SCO1: variants seen among roughly 807,000 people sequenced by gnomAD.
SCO1 encodes the protein cytochrome c oxidase assembly factor SCO1.
Under a neutral mutation model 34.0 loss-of-function variants are expected in SCO1, and 23 were observed. The ratio of observed to expected loss-of-function variants is 0.68; its 90% CI spans 0.49 to 0.96. The LOEUF (loss-of-function observed/expected upper bound fraction) is 0.96, where lower values mean the gene tolerates loss of function less well. Ranked by LOEUF, SCO1 falls within the 40% of genes least tolerant of loss-of-function variation. SCO1 has a pLI of 0.00. For missense variants in SCO1, 404 were observed against 381.6 expected (o/e 1.06, Z -0.49); for synonymous variants, 161 against 145.5 (o/e 1.11, Z -0.77).
rs111287883 is a variant in SCO1, at chr17:10,693,366, T to C, written c.365-405A>G. 0.016 allele frequency among the ~76,000 whole-genome samples: 2,477 copies of C among 151,360 alleles called. 110 individuals are homozygous for C. The East Asian group carries it at 0.16, about 10-fold the overall frequency. On this transcript the variant is annotated intron_variant, in intron 2 of 5. Transcript: ENST00000255390. ...TAAGGAGGGCAGCTGGGTGGGGAGG[T>C]GATAGTGGTGACGGGACCTTAGTTA... is the stretch of plus-strand genomic sequence containing the variant.
chr17:10,686,561 G>T (rs1396414122), intron 5 of SCO1, among the ~76,000 whole-genome samples, 166 bp downstream of exon 5: 1 of 141,506 alleles, frequency 7.1e-6, no homozygotes, highest in East Asian at 2.1e-4. Flanking sequence ...CAGCCTGGAT[G>T]ACAGAATGAG....
At chr17:10,695,875 C>T (rs372847373) in intron 1 of SCO1, 44 bp from the exon 2 acceptor site, 4 of 1,398,870 alleles carry the variant, frequency 2.9e-6, no homozygotes, top group Admixed American at 1.7e-5. Flanking sequence ...TAGTAAGATG[C>T]AAACATTTAA....
intron 5 of SCO1, among the ~76,000 whole-genome samples, chr17:10,683,218 C>T (rs950134547): frequency 6.6e-6 from 1 of 152,120 alleles, no homozygotes; most frequent in Non-Finnish European, 1.5e-5. Flanking sequence ...TATATATCCA[C>T]TACCACTTAT....
chr17:10,697,491 A>G lies in SCO1; in HGVS notation c.17T>C (p.Leu6Pro), dbSNP rs777394675. Residue 6 changes from leucine to proline, a missense_variant, in exon 1 of 6, where the codon CTA becomes CCA. Transcript: ENST00000255390. ...AGGCCGCATAACTCGTCCGGGTACT[A>G]GGACCAGCATCGCCATGAGCCTCGG... is the stretch of plus-strand genomic sequence containing the variant. MAMLV[L>P]VPGRVMRPLG... is the part of the protein sequence containing the mutation. The G allele has an allele frequency of 4.3e-6, 7 of 1,613,476 alleles. No individual in the cohort carries two copies. Among genetic ancestry groups the G allele is most frequent in the Non-Finnish European group, 5.1e-6 (6 of 1,179,936 alleles).
chr17:10,689,469 AAT>A (rs2074678044), intron 4 of SCO1, among the ~76,000 whole-genome samples: 1 of 152,222 alleles, frequency 6.6e-6, no homozygotes, highest in Non-Finnish European at 1.5e-5. Context: ...TTATTAAATC[AAT>A]GTTACCATAA....
intron 5 of SCO1, among the ~76,000 whole-genome samples, chr17:10,684,172 A>G (rs1188314712): frequency 6.6e-6 from 1 of 152,252 alleles, no homozygotes; most frequent in Non-Finnish European, 1.5e-5. Context: ...ACAAGGTCCA[A>G]GAAGTTTCCA....
At position 10,685,270 on chromosome 17, in the gene SCO1, G is replaced by A. The variant is rs544309753; in HGVS notation, c.771+1457C>T. Among the ~76,000 whole-genome samples, 5 of 152,268 alleles carry A rather than the reference G, an allele frequency of 3.3e-5. No homozygotes were observed. The South Asian group carries it at 1.0e-3, about 32-fold the overall frequency. On this transcript the variant is annotated intron_variant, in intron 5 of 5. Coordinates refer to ENST00000255390, the MANE Select transcript of SCO1 (RefSeq NM_004589.4). ...CAAAGACAGCTTCACAGCTAGAAAG[G>A]CTCTTAGGATTACTCTGCCCAAACA...
rs374680959 is a variant in SCO1 at position 10,686,883 on chromosome 17, A to T, written c.656-41T>A. On this transcript the variant is annotated intron_variant, in intron 4 of 5. Transcript: ENST00000255390. ...GAGAGACAGTGAAAAATGAGAAGCCAGTAAAACAACCATCTCTACTTCAAA... is the reference window on the plus strand; with the variant it reads ...GAGAGACAGTGAAAAATGAGAAGCCTGTAAAACAACCATCTCTACTTCAAA... The T allele has an allele frequency of 1.1e-4, 149 of 1,334,430 alleles. No homozygotes were observed. In the African/African-American group the frequency reaches 1.8e-3, roughly 16 times the overall value. 82.7% of individuals were successfully genotyped at this position (1,334,430 alleles called of 1,614,324 possible). A position where few individuals can be genotyped will look rare whatever the true frequency, so the allele number is the denominator to read the frequency against.
rs780893519 is a variant in SCO1, at chr17:10,697,339, G to T, written c.169C>A (p.Arg57Ser). The T allele has an allele frequency of 2.5e-6, 4 of 1,575,592 alleles. No homozygotes were observed. The highest frequency in any genetic ancestry group is 2.6e-6 in the Non-Finnish European group (3 of 1,161,350). The change falls in exon 1 of 6, where the codon CGC (arginine) becomes AGC (serine). Residue 57 changes from arginine to serine, a missense_variant. By Grantham distance (110) the Arg-to-Ser change is moderately radical. Coordinates refer to ENST00000255390, the MANE Select transcript of SCO1 (RefSeq NM_004589.4). ...CGGGTTCCCAGGCAATAGCCAGGGC[G>T]CCCCGAGGCACGCCACGCCTCCGCT... ...RQAEAWRASG[R>S]PGYCLGTRPL...
rs1355550605 is a variant in SCO1 at position 10,674,625 on chromosome 17, T to C, written c.*6494A>G. On this transcript the variant is annotated 3_prime_UTR_variant, in exon 6 of 6. Transcript: ENST00000255390. ...TGTAGATAATTCACCACTTGGGCCC[T>C]TCTTCCTCTATACAGTGAGGACATA... 6.4e-6 allele frequency: 1 copy of C among 156,504 alleles called. No homozygotes were observed. Among genetic ancestry groups the C allele is most frequent in the African/African-American group, 2.4e-5 (1 of 41,480 alleles). 9.7% of individuals were successfully genotyped at this position (156,504 alleles called of 1,614,324 possible). A position where few individuals can be genotyped will look rare whatever the true frequency, so the allele number is the denominator to read the frequency against.
Position 10,677,015 on chromosome 17 carries a change from G to A in SCO1, c.*4104C>T, listed in dbSNP as rs935639817. On this transcript the variant is annotated 3_prime_UTR_variant, in exon 6 of 6. Transcript: ENST00000255390. ...ATAACCCCTAACTGGTAAGTAAAAA[G>A]CACAAACTAGGCCGGGCGCAGTGGC... 6.6e-6 allele frequency: 1 copy of A among 152,146 alleles called. No individual in the cohort carries two copies. The highest frequency in any genetic ancestry group is 1.5e-5 in the Non-Finnish European group (1 of 68,022). 9.4% of individuals were successfully genotyped at this position (152,146 alleles called of 1,614,324 possible).
intron 5 of SCO1, among the ~76,000 whole-genome samples, chr17:10,682,151 CT>C (rs1005448372): frequency 2.0e-5 from 3 of 152,138 alleles, no homozygotes; most frequent in Admixed American, 2.0e-4. Flanking sequence ...AGATTTGGCA[CT>C]TAGAGTCCTT....
rs2074608342 is a variant in SCO1 at position 10,679,779 on chromosome 17, C to T, written c.*1340G>A. 1.3e-5 allele frequency: 2 copies of T among 152,172 alleles called. No homozygotes were observed. Among genetic ancestry groups the T allele is most frequent in the South Asian group, 4.1e-4 (2 of 4,830 alleles). 9.4% of individuals were successfully genotyped at this position (152,172 alleles called of 1,614,324 possible). A position where few individuals can be genotyped will look rare whatever the true frequency, so the allele number is the denominator to read the frequency against. On this transcript the variant is annotated 3_prime_UTR_variant, in exon 6 of 6. Coordinates refer to ENST00000255390, the MANE Select transcript of SCO1 (RefSeq NM_004589.4). ...TTTAAATTCATTTTAATTTCTGTAT[C>T]TCTACATAGATATATCTAGAGGGTC...
chr17:10,678,467 C>T lies in SCO1; in HGVS notation c.*2652G>A, dbSNP rs1340912829. 6.6e-6 allele frequency: 1 copy of T among 152,174 alleles called. No individual in the cohort carries two copies. Among genetic ancestry groups the T allele is most frequent in the African/African-American group, 2.4e-5 (1 of 41,446 alleles). The allele number at this position is 152,174 out of a possible 1,614,324, so 9.4% of individuals were successfully genotyped here. ...AAAAGCTGCTGTTCCCTTTTTGGATCATTTCACAAGCCTTAACCTGCAACA... is the reference window on the plus strand; with the variant it reads ...AAAAGCTGCTGTTCCCTTTTTGGATTATTTCACAAGCCTTAACCTGCAACA... On this transcript the variant is annotated 3_prime_UTR_variant, in exon 6 of 6. Transcript: ENST00000255390.
At chr17:10,681,369 G>A in intron 5 of SCO1, 116 bp from the exon 6 acceptor site, 3 of 1,122,334 alleles carry the variant, frequency 2.7e-6, no homozygotes, top group Non-Finnish European at 4.0e-6. Flanking sequence ...AACCTTTACA[G>A]CATCTATTAT....
At chr17:10,682,036 T>C (rs1286423451) in intron 5 of SCO1, among the ~76,000 whole-genome samples, 1 of 152,172 alleles carries the variant, frequency 6.6e-6, no homozygotes, top group Non-Finnish European at 1.5e-5. Context: ...AAACTCAGCA[T>C]CCATTTTCCC....
chr17:10,685,551 C>T (rs1378462625), intron 5 of SCO1, among the ~76,000 whole-genome samples: 2 of 152,192 alleles, frequency 1.3e-5, no homozygotes, highest in African/African-American at 4.8e-5. Flanking sequence ...AAGAGCTACA[C>T]AAGTACAACA....
At chr17:10,690,196 G>C (rs540771814) in intron 4 of SCO1, among the ~76,000 whole-genome samples, 150 of 152,148 alleles carry the variant, frequency 9.9e-4, no homozygotes, top group Non-Finnish European at 1.8e-3. Flanking sequence ...TAGGCAAATG[G>C]GGTTATATCA....
chr17:10,685,531 T>C (rs185902361), intron 5 of SCO1, among the ~76,000 whole-genome samples: 9 of 152,314 alleles, frequency 5.9e-5, no homozygotes, highest in Admixed American at 5.9e-4. Context: ...AATATGAAGA[T>C]AGTTAATTTA....
Sources: allele counts gnomAD v4.1 joint callset (sites outside exome capture counted in the v4.1 genomes callset), GRCh38; gene constraint gnomAD v4.1.1; transcripts MANE v1.5; gene names NCBI Gene and HGNC (gene_info 2026-07-23, HGNC 2026-07-21).